The following PDE4B variants were observed in gnomAD, a reference collection of about 807,000 sequenced individuals.
PDE4B encodes the protein 3',5'-cyclic-AMP phosphodiesterase 4B.
A neutral mutation model predicts 82.2 loss-of-function variants in PDE4B; 20 were observed. That is an observed-to-expected ratio of 0.24 (90% CI 0.17 to 0.35). The LOEUF is 0.35. Among genes scored for constraint, PDE4B ranks in the 10% least tolerant of loss-of-function variants. The pLI is 1.00. For synonymous variants in PDE4B, 320 were observed against 318.9 expected (o/e 1.00, Z -0.04); for missense variants, 655 against 907.2 (o/e 0.72, Z 3.57).
intron 3 of PDE4B, among the ~76,000 whole-genome samples, chr1:65,926,801 A>ACC (rs201674072): frequency 3.5e-4 from 53 of 151,594 alleles, no homozygotes; most frequent in Admixed American, 1.4e-3. Context: ...ACACACACAC[A>ACC]CCCCTTAGGC....
intron 3 of PDE4B, among the ~76,000 whole-genome samples, chr1:66,038,182 T>G (rs913786254): frequency 2.0e-5 from 3 of 152,174 alleles, no homozygotes; most frequent in African/African-American, 7.2e-5. Flanking sequence ...GTCAATTATA[T>G]ATTTTACAAA....
intron 1 of PDE4B, among the ~76,000 whole-genome samples, chr1:65,816,844 A>C (rs569801550): frequency 1.5e-4 from 23 of 152,348 alleles, no homozygotes; most frequent in Middle Eastern, 3.4e-3. Context: ...GTTTTGTAAA[A>C]AGCATTTTTA....
chr1:66,180,874 G>T (rs1219680548), intron 3 of PDE4B, among the ~76,000 whole-genome samples: 2 of 152,186 alleles, frequency 1.3e-5, no homozygotes, highest in East Asian at 3.8e-4. Context: ...CTAGCACTGT[G>T]CCTGGCACTG....
intron 3 of PDE4B, among the ~76,000 whole-genome samples, chr1:65,960,895 C>T (rs1216722010): frequency 6.6e-6 from 1 of 152,080 alleles, no homozygotes; most frequent in Non-Finnish European, 1.5e-5. Flanking sequence ...ACTCAACTTC[C>T]ACTGGATACA....
At chr1:66,327,004 G>A (rs1160110737) in intron 7 of PDE4B, among the ~76,000 whole-genome samples, 2 of 152,138 alleles carry the variant, frequency 1.3e-5, no homozygotes, top group Non-Finnish European at 2.9e-5. Flanking sequence ...AGCTTTTAGG[G>A]CACCTGAGGT....
At chr1:66,332,071 C>T (rs1660154400) in intron 7 of PDE4B, 3 of 1,110,956 alleles carry the variant, frequency 2.7e-6, no homozygotes, top group South Asian at 7.3e-5. Context: ...AAGCTTTCCT[C>T]ATTTCTCCTT....
At chr1:66,203,401 T>G (rs113001924) in intron 3 of PDE4B, among the ~76,000 whole-genome samples, 2 of 152,248 alleles carry the variant, frequency 1.3e-5, no homozygotes, top group African/African-American at 4.8e-5. Context: ...CCTGCCTTGC[T>G]AGATTGGGGA....
At chr1:66,151,228 G>A (rs1646387503) in intron 3 of PDE4B, among the ~76,000 whole-genome samples, 1 of 152,182 alleles carries the variant, frequency 6.6e-6, no homozygotes, top group Non-Finnish European at 1.5e-5. Flanking sequence ...ACAGTAAAAT[G>A]TAATAGAACT....
At chr1:66,251,511 G>A (rs932013061) in intron 4 of PDE4B, among the ~76,000 whole-genome samples, 1 of 152,158 alleles carries the variant, frequency 6.6e-6, no homozygotes, top group Non-Finnish European at 1.5e-5. Context: ...TAGGAACTTT[G>A]TGAACAAATA....
chr1:65,960,703 G>A (rs1649502177), intron 3 of PDE4B, among the ~76,000 whole-genome samples: 1 of 152,110 alleles, frequency 6.6e-6, no homozygotes, highest in African/African-American at 2.4e-5. Flanking sequence ...CCTACGTTGT[G>A]TCAAGGGCAC....
At chr1:65,845,510 G>A (rs1646257699) in intron 1 of PDE4B, among the ~76,000 whole-genome samples, 1 of 152,148 alleles carries the variant, frequency 6.6e-6, no homozygotes, top group East Asian at 1.9e-4. Context: ...TTGTAGGGGT[G>A]AGATATGGTC....
At chr1:66,117,526 A>G (rs1645619908) in intron 3 of PDE4B, among the ~76,000 whole-genome samples, 1 of 152,178 alleles carries the variant, frequency 6.6e-6, no homozygotes, top group Admixed American at 6.5e-5. Context: ...GAGATGTGGT[A>G]GAAACAGACA....
intron 3 of PDE4B, among the ~76,000 whole-genome samples, chr1:65,947,561 G>A (rs1648776836): frequency 6.6e-6 from 1 of 151,990 alleles, no homozygotes; most frequent in South Asian, 2.1e-4. Context: ...TAGGGTGGAT[G>A]CAGATATTAT....
At chr1:66,012,395 C>G (rs1652536110) in intron 3 of PDE4B, among the ~76,000 whole-genome samples, 1 of 152,090 alleles carries the variant, frequency 6.6e-6, no homozygotes, top group Admixed American at 6.6e-5. Flanking sequence ...ATCCATGACT[C>G]TAGTTTGATA....
chr1:66,077,250 C>T (rs187159303), intron 3 of PDE4B, among the ~76,000 whole-genome samples: 5 of 152,144 alleles, frequency 3.3e-5, no homozygotes, highest in African/African-American at 1.2e-4. Context: ...TCTTTATGAG[C>T]ATACCACCAC....
At chr1:66,113,711 T>C (rs1184336636) in intron 3 of PDE4B, among the ~76,000 whole-genome samples, 1 of 152,358 alleles carries the variant, frequency 6.6e-6, no homozygotes, top group Admixed American at 6.5e-5. Context: ...ATATTTACTT[T>C]ATATACTATC....
At position 66,369,869 on chromosome 1, in the gene PDE4B, C is replaced by G. The variant is rs1475062387; in HGVS notation, c.1845+900C>G. On this transcript the variant is annotated intron_variant, in intron 16 of 16. Transcript: ENST00000341517. Reference sequence around the variant, plus strand: ...TGAGTTTAAAAAATCTGTGAAAGGGCTGGGCACAGTGGCTCATGCCTGTAA... The same window carrying G: ...TGAGTTTAAAAAATCTGTGAAAGGGGTGGGCACAGTGGCTCATGCCTGTAA... Among the ~76,000 whole-genome samples the G allele has an allele frequency of 7.9e-5, 12 of 152,186 alleles. No homozygotes were observed. In the South Asian group the frequency reaches 1.9e-3, roughly 24 times the overall value.
chr1:66,149,582 G>C (rs1015542594), intron 3 of PDE4B, among the ~76,000 whole-genome samples: 1 of 152,164 alleles, frequency 6.6e-6, no homozygotes, highest in Non-Finnish European at 1.5e-5. Context: ...AGGTTTGGGG[G>C]TGCTGGGGTG....
chr1:66,354,293 C>A, intron 8 of PDE4B: 2 of 588,156 alleles, frequency 3.4e-6, no homozygotes, highest in Non-Finnish European at 4.3e-6. Flanking sequence ...TTCTGGTCTG[C>A]AGTGGAGAGA....
Sources: gnomAD v4.1 joint callset for allele counts (sites outside exome capture counted in the v4.1 genomes callset) on GRCh38, gnomAD v4.1.1 for gene constraint, MANE v1.5 for transcripts, NCBI Gene and HGNC (gene_info 2026-07-23, HGNC 2026-07-21) for gene names.